Variants in RABGAP1L observed in about 807,000 individuals in gnomAD.
RABGAP1L encodes rab GTPase-activating protein 1-like.
A neutral mutation model predicts 137.7 loss-of-function variants in RABGAP1L; 63 were observed. The observed-to-expected ratio is 0.46, with a 90% CI of 0.37 to 0.56. The LOEUF is 0.56. Ranked by LOEUF, RABGAP1L falls within the 20% of genes least tolerant of loss-of-function variation. The pLI, the probability that RABGAP1L is intolerant of heterozygous loss-of-function variation, is 0.00. For synonymous variants in RABGAP1L, 431 were observed against 433.7 expected, an observed-to-expected ratio of 0.99 and a Z score of 0.08; for missense variants, 1,095 against 1,244.0, an observed-to-expected ratio of 0.88 and a Z score of 1.80.
At chr1:174,762,807 CTTT>C (rs71563260) in intron 18 of RABGAP1L, among the ~76,000 whole-genome samples, 3 of 81,802 alleles carry the variant, frequency 3.7e-5, no homozygotes, top group African/African-American at 1.4e-4. Context: ...GTCTCCTTTG[CTTT>C]TTTTTTTTTT....
intron 11 of RABGAP1L, among the ~76,000 whole-genome samples, chr1:174,307,242 G>A (rs939992762): frequency 1.3e-4 from 20 of 152,148 alleles, no homozygotes; most frequent in East Asian, 3.9e-4. Flanking sequence ...GACATTATTC[G>A]GTCAAGTTAG....
chr1:174,795,665 A>C (rs145713204), intron 18 of RABGAP1L, among the ~76,000 whole-genome samples: 64 of 152,318 alleles, frequency 4.2e-4, no homozygotes, highest in African/African-American at 1.5e-3. Flanking sequence ...TTCCAGGCTC[A>C]AGTGATCCTC....
In RABGAP1L at chr1:174,977,847, T is replaced by TA. The variant is rs377244032; in HGVS notation, c.2650-959dup. ...CAACTGAGTGTAGATCACTATAACT[T>TA]ACCAATTGCTTTTAGAATTTTAGAA... On this transcript the variant is annotated intron_variant, in intron 22 of 25. Transcript: ENST00000681986. Among the ~76,000 whole-genome samples, 564 of 145,150 alleles carry TA rather than the reference T, an allele frequency of 3.9e-3. 5 individuals are homozygous for TA. Among genetic ancestry groups the TA allele is most frequent in the African/African-American group, 0.014 (536 of 39,178 alleles).
intron 14 of RABGAP1L, among the ~76,000 whole-genome samples, chr1:174,668,479 T>C (rs896132858): frequency 6.6e-6 from 1 of 152,202 alleles, no homozygotes; most frequent in African/African-American, 2.4e-5. Flanking sequence ...ATTGTATATA[T>C]ATACACCACA....
chr1:174,195,762 TC>T (rs1667609282), intron 1 of RABGAP1L, among the ~76,000 whole-genome samples: 1 of 133,546 alleles, frequency 7.5e-6, no homozygotes, highest in African/African-American at 2.9e-5. Context: ...TCTCTTTCTC[TC>T]TTTCTCTCTT....
chr1:174,206,200 A>G (rs1668496207), intron 1 of RABGAP1L, among the ~76,000 whole-genome samples: 1 of 152,208 alleles, frequency 6.6e-6, no homozygotes. Context: ...GCTTATTCGC[A>G]GAATAAGATG....
chr1:174,653,103 G>T (rs1335645370), intron 14 of RABGAP1L, among the ~76,000 whole-genome samples: 2 of 152,156 alleles, frequency 1.3e-5, no homozygotes, highest in Non-Finnish European at 2.9e-5. Flanking sequence ...ACTGTGAGGG[G>T]AAAACCGCCT....
At chr1:174,449,072 A>G in intron 13 of RABGAP1L, 1 of 1,614,108 alleles carries the variant, frequency 6.2e-7, no homozygotes, top group Non-Finnish European at 8.5e-7. Context: ...CAGCCTCTCC[A>G]ACAGCGTTTT....
intron 13 of RABGAP1L, among the ~76,000 whole-genome samples, chr1:174,513,502 A>G (rs1662539036): frequency 1.3e-5 from 2 of 151,944 alleles, no homozygotes; most frequent in Admixed American, 6.6e-5. Context: ...TAGTCCAGTT[A>G]CTCCAGAGGC....
intron 4 of RABGAP1L, among the ~76,000 whole-genome samples, chr1:174,240,290 A>T (rs1040646041): frequency 3.3e-5 from 5 of 152,140 alleles, no homozygotes; most frequent in Non-Finnish European, 7.3e-5. Flanking sequence ...TCTGTTCCCC[A>T]GGCTGGAGTG....
intron 19 of RABGAP1L, among the ~76,000 whole-genome samples, chr1:174,849,192 GTGGCTCACGC>G (rs1424478146): frequency 2.0e-5 from 3 of 151,992 alleles, no homozygotes; most frequent in Admixed American, 6.6e-5. Flanking sequence ...CGTCTTCTGC[GTGGCTCACGC>G]TGGGAGCTGT....
intron 23 of RABGAP1L, among the ~76,000 whole-genome samples, chr1:174,981,484 G>C (rs1671099843): frequency 6.8e-6 from 1 of 146,138 alleles, no homozygotes; most frequent in Non-Finnish European, 1.5e-5. Flanking sequence ...TTTGATAATA[G>C]AGGTAGACCA....
Position 174,357,789 on chromosome 1 carries a change from C to T in RABGAP1L, c.1466-13190C>T, listed in dbSNP as rs568506901. ...AAAGAAAAGTATACATTTAATGTCT[C>T]CACTTTCCTCTCATGTATTCCTCAA... On this transcript the variant is annotated intron_variant, in intron 11 of 25. Transcript: ENST00000681986. 1.1e-3 allele frequency among the ~76,000 whole-genome samples: 168 copies of T among 152,282 alleles called. 1 individual carries two copies. Among genetic ancestry groups the T allele is most frequent in the African/African-American group, 3.8e-3 (158 of 41,552 alleles).
intron 13 of RABGAP1L, among the ~76,000 whole-genome samples, chr1:174,435,205 A>G (rs1014744236): frequency 6.6e-6 from 1 of 152,088 alleles, no homozygotes; most frequent in Non-Finnish European, 1.5e-5. Context: ...TTTGGTACGA[A>G]CAAGGTCTTG....
At chr1:174,940,365 C>T (rs1665665045) in intron 19 of RABGAP1L, among the ~76,000 whole-genome samples, 1 of 151,434 alleles carries the variant, frequency 6.6e-6, no homozygotes, top group African/African-American at 2.4e-5. Context: ...AACTTATGGG[C>T]TTAAGGGATT....
At chr1:174,402,338 A>T (rs1439789352) in intron 13 of RABGAP1L, among the ~76,000 whole-genome samples, 1 of 152,190 alleles carries the variant, frequency 6.6e-6, no homozygotes, top group African/African-American at 2.4e-5. Flanking sequence ...ATCATCAGTT[A>T]TTAAGAGTAA....
intron 13 of RABGAP1L, among the ~76,000 whole-genome samples, chr1:174,499,220 A>G (rs915370041): frequency 3.9e-5 from 6 of 151,988 alleles, no homozygotes; most frequent in Admixed American, 6.6e-5. Context: ...TAAATCTTTT[A>G]CAGAACTTAG....
intron 15 of RABGAP1L, among the ~76,000 whole-genome samples, chr1:174,688,064 T>C (rs189745296): frequency 2.6e-5 from 4 of 152,260 alleles, no homozygotes; most frequent in African/African-American, 9.6e-5. Context: ...AAATTTGTCA[T>C]TTACAGTTGG....
At chr1:174,247,870 T>G (rs962610247) in intron 5 of RABGAP1L, among the ~76,000 whole-genome samples, 23 of 152,066 alleles carry the variant, frequency 1.5e-4, no homozygotes, top group Admixed American at 1.5e-3. Context: ...CCCCTCTCCC[T>G]CTGTCTCTGT....
Sources: allele counts gnomAD v4.1 joint callset (sites outside exome capture counted in the v4.1 genomes callset), GRCh38; gene constraint gnomAD v4.1.1; transcripts MANE v1.5; gene names NCBI Gene and HGNC (gene_info 2026-07-23, HGNC 2026-07-21).